The following CTNNA3 variants were observed in gnomAD, a reference collection of about 807,000 sequenced individuals.
The protein encoded by CTNNA3 is catenin alpha-3.
CTNNA3 carries 76 observed loss-of-function variants against 95.7 expected under a neutral mutation model. The observed-to-expected ratio is 0.79, with a 90% CI of 0.66 to 0.96. The LOEUF (loss-of-function observed/expected upper bound fraction) is 0.96, where lower values mean the gene tolerates loss of function less well. Among genes scored for constraint, CTNNA3 ranks in the 40% least tolerant of loss-of-function variants. The pLI is 0.00. For missense variants in CTNNA3, 1,191 were observed against 1,089.8 expected (o/e 1.09, Z -1.31); for synonymous variants, 431 against 374.4 (o/e 1.15, Z -1.74).
intron 5 of CTNNA3, among the ~76,000 whole-genome samples, chr10:67,231,519 A>G (rs1353618687): frequency 1.3e-5 from 2 of 152,282 alleles, no homozygotes; most frequent in East Asian, 1.9e-4. Context: ...CCAAAAACCC[A>G]TCTGTACATG....
At chr10:66,889,605 G>A (rs943145416) in intron 7 of CTNNA3, among the ~76,000 whole-genome samples, 8 of 152,138 alleles carry the variant, frequency 5.3e-5, no homozygotes, top group African/African-American at 1.7e-4. Flanking sequence ...TAGGGTAGCA[G>A]GTACTTGCAA....
chr10:67,527,007 A>T (rs1327288706), intron 4 of CTNNA3, among the ~76,000 whole-genome samples: 1 of 152,210 alleles, frequency 6.6e-6, no homozygotes, highest in African/African-American at 2.4e-5. Context: ...CTGTAATCTC[A>T]GCACTTTGGG....
intron 15 of CTNNA3, among the ~76,000 whole-genome samples, chr10:66,063,221 GATAT>G (rs112566833): frequency 6.8e-5 from 7 of 102,736 alleles, no homozygotes; most frequent in African/African-American, 3.1e-4. Flanking sequence ...TATAGATATA[GATAT>G]AGATAGATAG....
At chr10:66,666,846 C>A (rs1390404526) in intron 9 of CTNNA3, among the ~76,000 whole-genome samples, 1 of 151,672 alleles carries the variant, frequency 6.6e-6, no homozygotes, top group Non-Finnish European at 1.5e-5. Flanking sequence ...ATATAATGTA[C>A]ATAAAGTACA....
At chr10:66,812,136 A>G (rs1312369920) in intron 7 of CTNNA3, among the ~76,000 whole-genome samples, 1 of 152,148 alleles carries the variant, frequency 6.6e-6, no homozygotes, top group East Asian at 1.9e-4. Flanking sequence ...TTACTAAAAT[A>G]AAACAAGTAG....
At chr10:66,367,529 C>T (rs989856441) in intron 12 of CTNNA3, among the ~76,000 whole-genome samples, 2 of 149,400 alleles carry the variant, frequency 1.3e-5, no homozygotes, top group Non-Finnish European at 3.0e-5. Flanking sequence ...CACATATGTA[C>T]ATATCTTTAA....
chr10:66,972,391 A>G (rs532073629), intron 7 of CTNNA3, among the ~76,000 whole-genome samples: 2 of 152,282 alleles, frequency 1.3e-5, no homozygotes, highest in African/African-American at 2.4e-5. Flanking sequence ...ACTGGGCTCA[A>G]GCAGTCCTCC....
chr10:67,654,354 C>T (rs1187083378), intron 1 of CTNNA3, among the ~76,000 whole-genome samples: 3 of 152,170 alleles, frequency 2.0e-5, no homozygotes, highest in African/African-American at 4.8e-5. Flanking sequence ...CCAATACAAA[C>T]GTTAAAGATA....
chr10:66,419,537 A>T (rs2093174425), intron 11 of CTNNA3, among the ~76,000 whole-genome samples: 1 of 152,144 alleles, frequency 6.6e-6, no homozygotes, highest in Non-Finnish European at 1.5e-5. Flanking sequence ...TAGAAAAAAC[A>T]ATCCTACAAT....
intron 7 of CTNNA3, among the ~76,000 whole-genome samples, chr10:66,893,380 C>T (rs1486154049): frequency 6.6e-6 from 1 of 151,964 alleles, no homozygotes; most frequent in Non-Finnish European, 1.5e-5. Context: ...AATTTTGGCC[C>T]TCTGAGTTCT....
chr10:66,199,684 C>CT (rs2087198238), intron 13 of CTNNA3, among the ~76,000 whole-genome samples: 1 of 145,068 alleles, frequency 6.9e-6, no homozygotes, highest in Non-Finnish European at 1.5e-5. Flanking sequence ...TCACTGCAAC[C>CT]TTCGCCTCCC....
At chr10:67,268,313 T>A (rs959473147) in intron 5 of CTNNA3, among the ~76,000 whole-genome samples, 6 of 133,454 alleles carry the variant, frequency 4.5e-5, no homozygotes, top group Non-Finnish European at 6.2e-5. Context: ...CAAAAATAAA[T>A]TAAATTAAAT....
chr10:66,053,840 C>T lies in CTNNA3; in HGVS notation c.2159+15468G>A, dbSNP rs1012938505. Among the ~76,000 whole-genome samples the T allele has an allele frequency of 4.6e-5, 7 of 151,992 alleles. No individual in the cohort carries two copies. The South Asian group carries it at 1.4e-3, about 31-fold the overall frequency. The stretch of plus-strand genomic sequence containing the variant: ...TGTTTACTATAGTTTCCCTATTGTG[C>T]TACCAAATGCCAGATCTTATTCCTT... On this transcript the variant is annotated intron_variant, in intron 15 of 17. Coordinates refer to ENST00000433211, the MANE Select transcript of CTNNA3 (RefSeq NM_013266.4).
chr10:66,207,027 C>A (rs1240021433), intron 13 of CTNNA3, among the ~76,000 whole-genome samples: 2 of 151,844 alleles, frequency 1.3e-5, no homozygotes, highest in African/African-American at 2.4e-5. Context: ...TATTCAGTTG[C>A]CATGTAGCAT....
Position 66,419,924 on chromosome 10 carries a change from C to T in CTNNA3, c.1532-40572G>A, listed in dbSNP as rs942604640. ...AAATACTCAAGTGTAAAACTACAAA[C>T]TATAAAACTCCTAGAAGGAAACATA... On this transcript the variant is annotated intron_variant, in intron 11 of 17. Coordinates refer to ENST00000433211, the MANE Select transcript of CTNNA3 (RefSeq NM_013266.4). 3.9e-4 allele frequency among the ~76,000 whole-genome samples: 59 copies of T among 152,072 alleles called. 1 individual carries two copies. Among genetic ancestry groups the T allele is most frequent in the African/African-American group, 1.4e-3 (56 of 41,410 alleles).
intron 9 of CTNNA3, among the ~76,000 whole-genome samples, chr10:66,720,926 C>T (rs988324542): frequency 8.5e-5 from 13 of 152,170 alleles, no homozygotes; most frequent in African/African-American, 2.2e-4. Context: ...TTGATCAGGA[C>T]CTATGGTAAA....
At chr10:66,071,469 T>G (rs909131302) in intron 14 of CTNNA3, among the ~76,000 whole-genome samples, 3 of 151,692 alleles carry the variant, frequency 2.0e-5, no homozygotes, top group African/African-American at 7.3e-5. Flanking sequence ...CTCTGAAACA[T>G]TAAGTGATTT....
At chr10:66,689,682 C>G (rs557448491) in intron 9 of CTNNA3, among the ~76,000 whole-genome samples, 1 of 152,260 alleles carries the variant, frequency 6.6e-6, no homozygotes, top group South Asian at 2.1e-4. Flanking sequence ...TGTTGCCTCA[C>G]TCCTTAATGA....
intron 15 of CTNNA3, among the ~76,000 whole-genome samples, chr10:66,050,821 T>A (rs1247241364): frequency 6.6e-6 from 1 of 152,080 alleles, no homozygotes; most frequent in African/African-American, 2.4e-5. Flanking sequence ...CCACAGGACA[T>A]AGGCTGCTCA....
Sources: allele counts gnomAD v4.1 joint callset (sites outside exome capture counted in the v4.1 genomes callset), GRCh38; gene constraint gnomAD v4.1.1; transcripts MANE v1.5; gene names NCBI Gene and HGNC (gene_info 2026-07-23, HGNC 2026-07-21).